The following C1orf21 variants were observed in gnomAD, a reference collection of about 807,000 sequenced individuals.
The protein encoded by C1orf21 is uncharacterized protein C1orf21.
In C1orf21, 3 loss-of-function variants were observed where a neutral mutation model predicts 18.7. The ratio of observed to expected loss-of-function variants is 0.16; its 90% confidence interval spans 0.07 to 0.42. C1orf21 has a LOEUF of 0.42. Ranked by LOEUF, C1orf21 falls within the 10% of genes least tolerant of loss-of-function variation. The probability of loss-of-function intolerance (pLI) is 0.99; values close to 1 mark genes in which losing one functional copy is unlikely to be tolerated. For missense variants in C1orf21, 104 were observed against 143.6 expected, an observed-to-expected ratio of 0.72 and a Z score of 1.41; for synonymous variants, 41 against 46.4, an observed-to-expected ratio of 0.88 and a Z score of 0.47.
chr1:184,445,493 T>A (rs1469922926), intron 1 of C1orf21, among the ~76,000 whole-genome samples: 1 of 151,716 alleles, frequency 6.6e-6, no homozygotes, highest in Non-Finnish European at 1.5e-5. Flanking sequence ...TTTTTTTTTT[T>A]ACCTGATTCG....
intron 3 of C1orf21, among the ~76,000 whole-genome samples, chr1:184,585,652 G>C (rs1447796062): frequency 6.6e-6 from 1 of 152,230 alleles, no homozygotes; most frequent in South Asian, 2.1e-4. Context: ...CCCAGTGTGT[G>C]ATGTTCCCCT....
At chr1:184,569,945 A>G (rs1659086580) in intron 3 of C1orf21, among the ~76,000 whole-genome samples, 1 of 152,206 alleles carries the variant, frequency 6.6e-6, no homozygotes, top group African/African-American at 2.4e-5. Flanking sequence ...GTCTTCAAAA[A>G]GTAGCATGGA....
intron 1 of C1orf21, among the ~76,000 whole-genome samples, chr1:184,447,212 G>T (rs1414617802): frequency 6.6e-6 from 1 of 152,066 alleles, no homozygotes; most frequent in Non-Finnish European, 1.5e-5. Context: ...CTTTATACTA[G>T]GCATTCTTGG....
intron 2 of C1orf21, among the ~76,000 whole-genome samples, chr1:184,481,842 A>G (rs1250285714): frequency 1.3e-5 from 2 of 152,214 alleles, no homozygotes; most frequent in Admixed American, 1.3e-4. Flanking sequence ...CTCTGGGGGA[A>G]GAATTACCAG....
intron 2 of C1orf21, among the ~76,000 whole-genome samples, chr1:184,503,647 C>T (rs1658009877): frequency 6.6e-6 from 1 of 152,164 alleles, no homozygotes; most frequent in African/African-American, 2.4e-5. Context: ...CGCCTTCACT[C>T]TTCTCTGCTC....
At chr1:184,514,351 A>G (rs1658193398) in intron 3 of C1orf21, among the ~76,000 whole-genome samples, 1 of 152,208 alleles carries the variant, frequency 6.6e-6, no homozygotes, top group Non-Finnish European at 1.5e-5. Context: ...AAAATCATAT[A>G]TTTAATGTAT....
intron 2 of C1orf21, among the ~76,000 whole-genome samples, chr1:184,488,657 A>C: frequency 6.6e-6 from 1 of 152,236 alleles, no homozygotes; most frequent in East Asian, 1.9e-4. Context: ...TAATCTAAAA[A>C]TTTAACTGTC....
intron 3 of C1orf21, among the ~76,000 whole-genome samples, chr1:184,529,701 G>A (rs1230783157): frequency 6.6e-6 from 1 of 152,160 alleles, no homozygotes; most frequent in Non-Finnish European, 1.5e-5. Context: ...GAAAGAAAAA[G>A]GCAGTCAGGT....
chr1:184,517,260 C>A (rs1314527238), intron 3 of C1orf21, among the ~76,000 whole-genome samples: 1 of 152,136 alleles, frequency 6.6e-6, no homozygotes, highest in African/African-American at 2.4e-5. Context: ...TATTTAGGAA[C>A]CCTCTACAAG....
intron 1 of C1orf21, among the ~76,000 whole-genome samples, chr1:184,434,343 C>T (rs900363599): frequency 1.3e-5 from 2 of 151,774 alleles, no homozygotes; most frequent in East Asian, 1.9e-4. Context: ...GGGCTATTAT[C>T]TCCATGTAAA....
intron 1 of C1orf21, among the ~76,000 whole-genome samples, chr1:184,405,653 G>C (rs932125747): frequency 6.6e-6 from 1 of 152,190 alleles, no homozygotes; most frequent in Non-Finnish European, 1.5e-5. Context: ...GGTTGCTAGG[G>C]AACCTAGTTT....
At position 184,625,839 on chromosome 1, in the gene C1orf21, G is replaced by T; in HGVS notation, c.*6283G>T. On this transcript the variant is annotated 3_prime_UTR_variant, in exon 6 of 6. Coordinates refer to ENST00000235307, the MANE Select transcript of C1orf21 (RefSeq NM_030806.4). ...TCTGCTTGACTCGTCTGGGCTGCTAGCCGGGGTGTTGTGGCTGACATCCTT... is the reference window on the plus strand; with the variant it reads ...TCTGCTTGACTCGTCTGGGCTGCTATCCGGGGTGTTGTGGCTGACATCCTT... 6.6e-6 allele frequency: 1 copy of T among 152,418 alleles called. No homozygotes were observed. 9.4% of individuals were successfully genotyped at this position (152,418 alleles called of 1,614,324 possible).
intron 5 of C1orf21, among the ~76,000 whole-genome samples, chr1:184,615,395 C>G (rs188299708): frequency 9.1e-4 from 138 of 152,298 alleles, no homozygotes; most frequent in Admixed American, 1.6e-3. Flanking sequence ...GTTCTCCCAG[C>G]TTTCGAGGGC....
intron 3 of C1orf21, among the ~76,000 whole-genome samples, chr1:184,589,626 A>T (rs151034954): frequency 6.6e-6 from 1 of 152,384 alleles, no homozygotes; most frequent in East Asian, 1.9e-4. Flanking sequence ...GGTAAGATAG[A>T]CTGCAAGAAA....
At chr1:184,537,929 G>T (rs1658585056) in intron 3 of C1orf21, among the ~76,000 whole-genome samples, 1 of 152,184 alleles carries the variant, frequency 6.6e-6, no homozygotes, top group South Asian at 2.1e-4. Context: ...GATTGCAGGA[G>T]TGAGCTACCG....
At chr1:184,591,065 G>A (rs1445713963) in intron 4 of C1orf21, among the ~76,000 whole-genome samples, 1 of 152,178 alleles carries the variant, frequency 6.6e-6, no homozygotes. Flanking sequence ...GAGAGGATGT[G>A]TGGGGGTTAT....
intron 4 of C1orf21, among the ~76,000 whole-genome samples, chr1:184,594,949 A>G (rs1228637432): frequency 6.6e-6 from 1 of 152,142 alleles, no homozygotes; most frequent in African/African-American, 2.4e-5. Context: ...CCCACCATTC[A>G]TTAATTTGTT....
rs200639022 is a variant in C1orf21, at chr1:184,577,951, TTG to T, written c.190-12786_190-12785del. On this transcript the variant is annotated intron_variant, in intron 3 of 5. Transcript: ENST00000235307. ...TGTCCGTTTGTTTTTTGTTTTGTTT[TTG>T]TTTTTTTTTTTTTTTTTTGAGACAG... Among the ~76,000 whole-genome samples the T allele has an allele frequency of 2.8e-3, 329 of 115,930 alleles. 7 individuals carry two copies. Among genetic ancestry groups the T allele is most frequent in the African/African-American group, 0.011 (297 of 25,898 alleles). 76.1% of individuals were successfully genotyped at this position (115,930 alleles called of 152,430 possible). A position where few individuals can be genotyped will look rare whatever the true frequency, so the allele number is the denominator to read the frequency against.
chr1:184,579,306 C>T (rs1659240491), intron 3 of C1orf21, among the ~76,000 whole-genome samples: 1 of 150,244 alleles, frequency 6.7e-6, no homozygotes, highest in Non-Finnish European at 1.5e-5. Context: ...CCCACCTCAG[C>T]CTCCCGAAGT....
Sources: gnomAD v4.1 joint callset for allele counts (sites outside exome capture counted in the v4.1 genomes callset) on GRCh38, gnomAD v4.1.1 for gene constraint, MANE v1.5 for transcripts, NCBI Gene and HGNC (gene_info 2026-07-23, HGNC 2026-07-21) for gene names.